ERICH1: variants seen among roughly 807,000 people sequenced by gnomAD.
The protein encoded by ERICH1 is glutamate rich 1.
Under a neutral mutation model 39.6 loss-of-function variants are expected in ERICH1, and 56 were observed. The ratio of observed to expected loss-of-function variants is 1.41; its 90% CI spans 1.14 to 1.77. The LOEUF (loss-of-function observed/expected upper bound fraction) is 1.77, where lower values mean the gene tolerates loss of function less well. Among genes scored for constraint, ERICH1 ranks in the 40% most tolerant of loss-of-function variants. ERICH1 has a pLI of 0.00. For synonymous variants in ERICH1, 313 were observed against 223.6 expected, an observed-to-expected ratio of 1.40 and a Z score of -3.57; for missense variants, 826 against 575.4, an observed-to-expected ratio of 1.44 and a Z score of -4.45.
At chr8:634,294 C>G (rs1309446308) in intron 3 of ERICH1, among the ~76,000 whole-genome samples, 1 of 152,120 alleles carries the variant, frequency 6.6e-6, no homozygotes, top group African/African-American at 2.4e-5. Context: ...GCTCACCTCA[C>G]CCGTTGGGAT....
At chr8:670,083 T>C (rs989823369) in intron 4 of ERICH1, among the ~76,000 whole-genome samples, 7 of 152,226 alleles carry the variant, frequency 4.6e-5, no homozygotes, top group Non-Finnish European at 1.0e-4. Context: ...CTCTCCACTC[T>C]GCATTCTGGG....
At chr8:631,653 C>G (rs73531453) in intron 3 of ERICH1, among the ~76,000 whole-genome samples, 5 of 152,282 alleles carry the variant, frequency 3.3e-5, no homozygotes, top group African/African-American at 1.2e-4. Flanking sequence ...GTAAAATATA[C>G]ACAACATAAA....
At position 673,605 on chromosome 8, in the gene ERICH1, C is replaced by G. The variant is rs1554500794; in HGVS notation, c.747G>C (p.Glu249Asp). 19 of 1,549,322 alleles carry G rather than the reference C, an allele frequency of 1.2e-5. No individual in the cohort carries two copies. The Admixed American group carries it at 3.3e-4, about 27-fold the overall frequency. Residue 249 changes from glutamate to aspartate, a missense_variant, in exon 4 of 6, where the codon GAG (glutamate) becomes GAC (aspartate). By Grantham distance (45) the Glu-to-Asp change is conservative. Transcript: ENST00000262109. ...GATCTTCCTCACTGGCGTCCGCACC[C>G]TCTTCCTGCCTGGCCCGTGTCAGGT... ...EEDLTRARQE[E>D]GADASEEDPT...
chr8:669,787 G>T (rs552939974), intron 4 of ERICH1, among the ~76,000 whole-genome samples: 1 of 152,220 alleles, frequency 6.6e-6, no homozygotes. Flanking sequence ...ACAAGCCCCC[G>T]ACTTCCCCTG....
chr8:624,848 T>C (rs1174455337), intron 3 of ERICH1, among the ~76,000 whole-genome samples: 1 of 152,114 alleles, frequency 6.6e-6, no homozygotes, highest in Non-Finnish European at 1.5e-5. Context: ...TGCCTCAGCC[T>C]CCAGAGTAGC....
intron 4 of ERICH1, among the ~76,000 whole-genome samples, chr8:671,604 C>T (rs922245957): frequency 2.0e-5 from 3 of 150,670 alleles, no homozygotes; most frequent in African/African-American, 7.3e-5. Context: ...AACCCGCTGG[C>T]CCCTGCTCCG....
chr8:619,569 A>C (rs1797149568), intron 3 of ERICH1, among the ~76,000 whole-genome samples: 1 of 152,220 alleles, frequency 6.6e-6, no homozygotes. Context: ...AGAAAAGAGA[A>C]TCAGAAATGG....
At chr8:696,370 C>T (rs868120504) in intron 2 of ERICH1, among the ~76,000 whole-genome samples, 4 of 12,316 alleles carry the variant, frequency 3.2e-4, no homozygotes, top group Admixed American at 5.9e-4. Context: ...CATCAGCCTG[C>T]GCTCGCTCCT....
chr8:718,186 G>C (rs1035393544), intron 1 of ERICH1, among the ~76,000 whole-genome samples: 2 of 151,392 alleles, frequency 1.3e-5, no homozygotes, highest in South Asian at 2.1e-4. Context: ...AACACACCAG[G>C]GTACAGATTG....
chr8:655,815 A>C (rs1157176259), intron 3 of ERICH1, among the ~76,000 whole-genome samples: 1 of 151,800 alleles, frequency 6.6e-6, no homozygotes, highest in African/African-American at 2.4e-5. Flanking sequence ...CTATTGTTGT[A>C]TGTGCCTCAT....
Position 692,565 on chromosome 8 carries a change from C to G in ERICH1, c.217G>C (p.Gly73Arg), listed in dbSNP as rs763310568. ...CAGGGGACGTAGCCCTCAGGAGGCC[C>G]GCTGGCAGTGTAGAGCCGTCGGGCA... Reference protein sequence around the residue: ...PTARRLYTASGPPEGYVPCWP... With the variant: ...PTARRLYTASRPPEGYVPCWP... The change falls in exon 3 of 6, where the codon GGG becomes CGG. Residue 73 changes from glycine (G) to arginine (R), a missense_variant. Coordinates refer to ENST00000262109, the MANE Select transcript of ERICH1 (RefSeq NM_207332.3). The G allele has an allele frequency of 6.2e-7, 1 of 1,613,030 alleles. No homozygotes were observed. Among genetic ancestry groups the G allele is most frequent in the South Asian group, 1.1e-5 (1 of 91,020 alleles).
chr8:701,222 G>C (rs948449431), intron 2 of ERICH1, among the ~76,000 whole-genome samples: 2 of 152,034 alleles, frequency 1.3e-5, no homozygotes, highest in Non-Finnish European at 2.9e-5. Context: ...TGCTGGACGG[G>C]AGCACGCCGT....
intron 3 of ERICH1, among the ~76,000 whole-genome samples, chr8:684,769 C>A (rs556229299): frequency 2.0e-5 from 3 of 152,180 alleles, no homozygotes; most frequent in Non-Finnish European, 2.9e-5. Flanking sequence ...GGAGACATCA[C>A]ATGTCAGCAG....
downstream of ERICH1, among the ~76,000 whole-genome samples, chr8:663,132 G>C (rs564595836): frequency 6.6e-6 from 1 of 152,260 alleles, no homozygotes; most frequent in African/African-American, 2.4e-5. Flanking sequence ...TCCAGAGCCA[G>C]AAACATCCCT....
chr8:727,510 G>A (rs897091345), intron 1 of ERICH1, among the ~76,000 whole-genome samples: 1 of 152,238 alleles, frequency 6.6e-6, no homozygotes, highest in African/African-American at 2.4e-5. Context: ...GAAGACAGAG[G>A]CCGCCTGCCT....
At chr8:618,249 T>C (rs1797055406) in intron 3 of ERICH1, among the ~76,000 whole-genome samples, 1 of 152,010 alleles carries the variant, frequency 6.6e-6, no homozygotes, top group Non-Finnish European at 1.5e-5. Flanking sequence ...CGGTACTTGG[T>C]CCATCCTCAC....
intron 3 of ERICH1, among the ~76,000 whole-genome samples, chr8:654,129 T>A (rs1419978259): frequency 6.6e-6 from 1 of 152,208 alleles, no homozygotes; most frequent in African/African-American, 2.4e-5. Flanking sequence ...AGTATGTGTA[T>A]CACAATACAA....
intron 3 of ERICH1, among the ~76,000 whole-genome samples, chr8:652,022 T>C (rs2117333344): frequency 6.6e-6 from 1 of 152,316 alleles, no homozygotes; most frequent in South Asian, 2.1e-4. Flanking sequence ...CCGTTGGCAG[T>C]TGCTGAGGCA....
At chr8:686,937 A>G (rs1226589208) in intron 3 of ERICH1, among the ~76,000 whole-genome samples, 1 of 101,528 alleles carries the variant, frequency 9.8e-6, no homozygotes, top group African/African-American at 3.4e-5. Flanking sequence ...GATGCGAGGA[A>G]TGCGGAGCGG....
Sources: allele counts gnomAD v4.1 joint callset (sites outside exome capture counted in the v4.1 genomes callset), GRCh38; gene constraint gnomAD v4.1.1; transcripts MANE v1.5; gene names NCBI Gene and HGNC (gene_info 2026-07-23, HGNC 2026-07-21).